PUM1: variants seen among roughly 807,000 people sequenced by gnomAD.
PUM1 encodes pumilio RNA binding family member 1.
Under a neutral mutation model 131.8 loss-of-function variants are expected in PUM1, and 13 were observed. That is an observed-to-expected ratio of 0.10 (90% confidence interval 0.06 to 0.16). The LOEUF (loss-of-function observed/expected upper bound fraction) is 0.16. Among genes scored for constraint, PUM1 ranks in the 10% least tolerant of loss-of-function variants. The pLI, the probability that PUM1 is intolerant of heterozygous loss-of-function variation, is 1.00. For missense variants in PUM1, 961 were observed against 1,512.4 expected, an observed-to-expected ratio of 0.64 and a Z score of 6.05; for synonymous variants, 509 against 556.5, an observed-to-expected ratio of 0.91 and a Z score of 1.20.
intron 16 of PUM1, among the ~76,000 whole-genome samples, chr1:30,951,037 T>C (rs1031827419): frequency 6.6e-6 from 1 of 152,242 alleles, no homozygotes; most frequent in African/African-American, 2.4e-5. Flanking sequence ...GTTAAAATTC[T>C]ACTTAGAATG....
intron 14 of PUM1, among the ~76,000 whole-genome samples, chr1:30,964,247 A>G (rs547367225): frequency 7.0e-4 from 106 of 152,340 alleles, no homozygotes; most frequent in African/African-American, 2.5e-3. Context: ...AAAAAGCAAG[A>G]TATTATATGT....
intron 3 of PUM1, among the ~76,000 whole-genome samples, chr1:31,007,478 T>C (rs1642436157): frequency 6.6e-6 from 1 of 152,214 alleles, no homozygotes; most frequent in Non-Finnish European, 1.5e-5. Flanking sequence ...TTTACAACTA[T>C]TAAAACACTT....
chr1:31,058,729 G>T (rs1480789960), intron 2 of PUM1, among the ~76,000 whole-genome samples: 1 of 151,856 alleles, frequency 6.6e-6, no homozygotes, highest in Admixed American at 6.6e-5. Flanking sequence ...CCAGCACTTT[G>T]GGAGGCCGAA....
At chr1:30,985,728 CAGGG>C (rs1011763924) in intron 7 of PUM1, among the ~76,000 whole-genome samples, 1 of 150,136 alleles carries the variant, frequency 6.7e-6, no homozygotes, top group Non-Finnish European at 1.5e-5. Flanking sequence ...ACAAAGATAA[CAGGG>C]AAGAAAGAAA....
In PUM1 at chr1:31,005,977, T is replaced by A. The variant is rs1363698471; in HGVS notation, c.596A>T (p.His199Leu). The A allele has an allele frequency of 6.2e-7, 1 of 1,613,176 alleles. No individual in the cohort carries two copies. The highest frequency in any genetic ancestry group is 8.5e-7 in the Non-Finnish European group (1 of 1,179,756). Residue 199 changes from histidine to leucine, a missense_variant, in exon 5 of 22, where the codon CAT becomes CTT. By Grantham distance (99) the His-to-Leu change is moderately conservative. Transcript: ENST00000426105. ...TACAGAATTGACCTCACTGTTCACATGGAAACTCTGACCAGGTCTTCTCTG... is the reference window on the plus strand; with the variant it reads ...TACAGAATTGACCTCACTGTTCACAAGGAAACTCTGACCAGGTCTTCTCTG... The part of the protein sequence containing the change: ...MVQRRPGQSF[H>L]VNSEVNSVLS...
chr1:31,025,706 C>T (rs1472811488), intron 3 of PUM1, among the ~76,000 whole-genome samples: 2 of 151,924 alleles, frequency 1.3e-5, no homozygotes, highest in Non-Finnish European at 2.9e-5. Flanking sequence ...CAGGCGCACA[C>T]CATCACGCCC....
chr1:30,984,485 G>A (rs1438602035), intron 7 of PUM1, among the ~76,000 whole-genome samples: 1 of 152,196 alleles, frequency 6.6e-6, no homozygotes, highest in Non-Finnish European at 1.5e-5. Context: ...TGAGTTGGGG[G>A]AAATGCTCAA....
chr1:31,019,316 C>T (rs561881966), intron 3 of PUM1, among the ~76,000 whole-genome samples: 25 of 152,236 alleles, frequency 1.6e-4, no homozygotes, highest in Admixed American at 5.2e-4. Flanking sequence ...AGTGCCGCTG[C>T]GCTCCAGCCT....
intron 2 of PUM1, among the ~76,000 whole-genome samples, chr1:31,051,292 C>A (rs924302837): frequency 2.7e-5 from 4 of 150,606 alleles, no homozygotes; most frequent in African/African-American, 9.8e-5. Flanking sequence ...AAAATATATT[C>A]ATCCACTGAA....
At chr1:30,954,092 G>A (rs1276988859) in intron 14 of PUM1, 111 bp from the exon 15 acceptor site, 1 of 1,182,242 alleles carries the variant, frequency 8.5e-7, no homozygotes, top group African/African-American at 1.5e-5. Flanking sequence ...TTTCTTCAAT[G>A]CTGTTGTTTT....
At chr1:31,026,063 GCAA>G (rs1391947660) in intron 3 of PUM1, among the ~76,000 whole-genome samples, 3 of 151,778 alleles carry the variant, frequency 2.0e-5, no homozygotes, top group African/African-American at 7.3e-5. Flanking sequence ...ACCAGCCTGG[GCAA>G]CACAGTGAAA....
At chr1:31,002,752 T>C (rs777147815) in intron 5 of PUM1, among the ~76,000 whole-genome samples, 3 of 152,234 alleles carry the variant, frequency 2.0e-5, no homozygotes, top group East Asian at 1.9e-4. Flanking sequence ...GAGATTCCTA[T>C]GTGGAATACT....
At chr1:30,984,837 T>C (rs1483209149) in intron 7 of PUM1, among the ~76,000 whole-genome samples, 3 of 152,142 alleles carry the variant, frequency 2.0e-5, no homozygotes, top group African/African-American at 7.2e-5. Flanking sequence ...GTTGCTGACA[T>C]AAAAAATTAT....
intron 20 of PUM1, among the ~76,000 whole-genome samples, chr1:30,940,347 G>T (rs1639393092): frequency 1.3e-5 from 2 of 152,160 alleles, no homozygotes; most frequent in Admixed American, 1.3e-4. Context: ...GTGGTGGCGT[G>T]CGCCTGCAGT....
At chr1:30,936,459 G>C (rs1390337982) in intron 21 of PUM1, among the ~76,000 whole-genome samples, 184 bp downstream of exon 21, 1 of 152,184 alleles carries the variant, frequency 6.6e-6, no homozygotes, top group Non-Finnish European at 1.5e-5. Context: ...CTATTGATAA[G>C]GGAGGGTTGG....
chr1:31,033,956 A>T (rs1427423435), intron 2 of PUM1, among the ~76,000 whole-genome samples: 1 of 152,172 alleles, frequency 6.6e-6, no homozygotes, highest in Non-Finnish European at 1.5e-5. Flanking sequence ...AATAAATTCA[A>T]ACAGACTTGG....
intron 2 of PUM1, among the ~76,000 whole-genome samples, chr1:31,033,069 C>A (rs190332717): frequency 1.2e-4 from 18 of 147,530 alleles, no homozygotes; most frequent in African/African-American, 4.2e-4. Context: ...AAAAAAAAAA[C>A]GTTATTTTCC....
chr1:31,050,861 C>A, intron 2 of PUM1: 2 of 233,122 alleles, frequency 8.6e-6, no homozygotes, highest in South Asian at 5.2e-5. Flanking sequence ...CACTGCACTC[C>A]TGAGAGCAAG....
intron 9 of PUM1, among the ~76,000 whole-genome samples, chr1:30,977,133 T>C (rs1356471420): frequency 6.6e-6 from 1 of 152,198 alleles, no homozygotes; most frequent in Non-Finnish European, 1.5e-5. Context: ...ATATGCCTTA[T>C]ACACATAGCC....
Sources: gnomAD v4.1 joint callset for allele counts (sites outside exome capture counted in the v4.1 genomes callset) on GRCh38, gnomAD v4.1.1 for gene constraint, MANE v1.5 for transcripts, NCBI Gene and HGNC (gene_info 2026-07-23, HGNC 2026-07-21) for gene names.